Variants in OXR1 observed in about 807,000 individuals in gnomAD.
The protein encoded by OXR1 is oxidation resistance protein 1.
OXR1 carries 41 observed loss-of-function variants against 104.6 expected under a neutral mutation model. The observed-to-expected ratio is 0.39, with a 90% CI of 0.31 to 0.51. OXR1 has a LOEUF of 0.51. OXR1 is among the 20% of genes least tolerant of loss of function. The probability of loss-of-function intolerance (pLI) is 0.77; values close to 1 mark genes in which losing one functional copy is unlikely to be tolerated. For synonymous variants in OXR1, 348 were observed against 348.4 expected, an observed-to-expected ratio of 1.00 and a Z score of 0.01; for missense variants, 955 against 1,031.9, an observed-to-expected ratio of 0.93 and a Z score of 1.02.
intron 16 of OXR1, among the ~76,000 whole-genome samples, chr8:106,747,841 A>G (rs1455355325): frequency 1.3e-5 from 2 of 152,248 alleles, no homozygotes; most frequent in African/African-American, 4.8e-5. Flanking sequence ...ATACTTGGTA[A>G]TAAAACTTAC....
Position 106,625,781 on chromosome 8 carries a change from G to A in OXR1, c.221-53429G>A, listed in dbSNP as rs72682806. On this transcript the variant is annotated intron_variant, in intron 3 of 16. Coordinates refer to ENST00000517566, the MANE Select transcript of OXR1 (RefSeq NM_001198533.2). ...TAATGTTTCCCAATCTTGTTGAAAT[G>A]ACCTCACATGTGATAGCACTTAAAA... Among the ~76,000 whole-genome samples, 635 of 152,194 alleles carry A rather than the reference G, an allele frequency of 4.2e-3. 1 individual carries two copies. The highest frequency in any genetic ancestry group is 0.017 in the Middle Eastern group (5 of 294).
chr8:106,573,630 G>T (rs1344860599), intron 3 of OXR1, among the ~76,000 whole-genome samples: 1 of 152,176 alleles, frequency 6.6e-6, no homozygotes, highest in Non-Finnish European at 1.5e-5. Flanking sequence ...AAATGCTTGA[G>T]CAGTATTATA....
intron 1 of OXR1, among the ~76,000 whole-genome samples, chr8:106,313,680 T>C (rs1813806213): frequency 6.6e-6 from 1 of 152,092 alleles, no homozygotes; most frequent in Non-Finnish European, 1.5e-5. Context: ...AGCCATATCA[T>C]AGCCTAGAGA....
At chr8:106,740,671 T>A (rs113193620) in intron 14 of OXR1, among the ~76,000 whole-genome samples, 176 bp downstream of exon 14, 1 of 152,142 alleles carries the variant, frequency 6.6e-6, no homozygotes, top group African/African-American at 2.4e-5. Flanking sequence ...GATATGAGCA[T>A]GATGATTAAG....
At chr8:106,640,910 C>T (rs1823575804) in intron 3 of OXR1, among the ~76,000 whole-genome samples, 1 of 152,122 alleles carries the variant, frequency 6.6e-6, no homozygotes, top group African/African-American at 2.4e-5. Flanking sequence ...CATATGCATA[C>T]TATAAAGTAA....
At chr8:106,579,881 A>G (rs1206387528) in intron 3 of OXR1, among the ~76,000 whole-genome samples, 2 of 152,156 alleles carry the variant, frequency 1.3e-5, no homozygotes, top group Admixed American at 6.5e-5. Context: ...GTCTCATGGC[A>G]GCAGAGCAAA....
intron 3 of OXR1, among the ~76,000 whole-genome samples, chr8:106,652,541 G>A (rs1208177875): frequency 6.6e-6 from 1 of 151,780 alleles, no homozygotes; most frequent in African/African-American, 2.4e-5. Flanking sequence ...CAAATAATAA[G>A]TCATAAGGAA....
intron 1 of OXR1, among the ~76,000 whole-genome samples, chr8:106,358,345 AG>A (rs1212070054): frequency 2.6e-5 from 4 of 152,178 alleles, no homozygotes; most frequent in African/African-American, 4.8e-5. Context: ...TTAAACTTGT[AG>A]CCCAGCCTAA....
chr8:106,642,073 C>T (rs1413687238), intron 3 of OXR1, among the ~76,000 whole-genome samples: 1 of 152,076 alleles, frequency 6.6e-6, no homozygotes, highest in Non-Finnish European at 1.5e-5. Flanking sequence ...CACTTGGCCA[C>T]AGTTTTGCTT....
At chr8:106,324,548 GAA>G (rs57979286) in intron 1 of OXR1, among the ~76,000 whole-genome samples, 2 of 143,878 alleles carry the variant, frequency 1.4e-5, no homozygotes, top group Middle Eastern at 3.6e-3. Context: ...TACAAAAAAA[GAA>G]AAAAAAAAAC....
intron 3 of OXR1, among the ~76,000 whole-genome samples, chr8:106,555,928 G>GTATATATATGTA: frequency 7.0e-6 from 1 of 142,538 alleles, no homozygotes; most frequent in East Asian, 2.1e-4. Context: ...GTATATATAT[G>GTATATATATGTA]TACATATATA....
intron 1 of OXR1, among the ~76,000 whole-genome samples, chr8:106,274,803 G>T (rs934332638): frequency 1.3e-5 from 2 of 152,166 alleles, no homozygotes; most frequent in African/African-American, 4.8e-5. Flanking sequence ...TATTAGAGAG[G>T]CTTCCTCTTT....
At position 106,737,752 on chromosome 8, in the gene OXR1, G is replaced by A. The variant is rs569964709; in HGVS notation, c.2037+152G>A. Among the ~76,000 whole-genome samples the A allele has an allele frequency of 2.4e-4, 37 of 152,154 alleles. No individual in the cohort carries two copies. In the East Asian group the frequency reaches 6.6e-3, roughly 27 times the overall value. On this transcript the variant is annotated intron_variant, in intron 12 of 16. Transcript: ENST00000517566. ...GTATTAAAGGTTATAGTATTGCCGT[G>A]AAGAGCTGTGGATTATCTTTTCTGT...
intron 4 of OXR1, among the ~76,000 whole-genome samples, chr8:106,682,875 A>G (rs1270302676): frequency 6.6e-6 from 1 of 152,224 alleles, no homozygotes; most frequent in East Asian, 1.9e-4. Flanking sequence ...GAAACTATTC[A>G]AAGGAATAGT....
intron 3 of OXR1, among the ~76,000 whole-genome samples, chr8:106,644,646 C>T (rs1475660764): frequency 2.6e-5 from 4 of 152,056 alleles, no homozygotes; most frequent in Admixed American, 1.3e-4. Flanking sequence ...GCACCTGGAG[C>T]GTAAAACACT....
chr8:106,558,226 G>T (rs1816427453), intron 3 of OXR1, among the ~76,000 whole-genome samples: 2 of 152,184 alleles, frequency 1.3e-5, no homozygotes, highest in South Asian at 4.1e-4. Flanking sequence ...AGGCTACTCT[G>T]GGGAGTAAAA....
rs562135237 is a variant in OXR1 at position 106,619,000 on chromosome 8, G to A, written c.221-60210G>A. On this transcript the variant is annotated intron_variant, in intron 3 of 16. Coordinates refer to ENST00000517566, the MANE Select transcript of OXR1 (RefSeq NM_001198533.2). ...ATATAAAAAGAACTGAGGCGTGTAA[G>A]TAACCTCTTTGATTTTTAATGGCAT... Among the ~76,000 whole-genome samples, 4 of 151,990 alleles carry A rather than the reference G, an allele frequency of 2.6e-5. No homozygotes were observed. In the South Asian group the frequency reaches 8.3e-4, roughly 31 times the overall value.
chr8:106,678,905 C>T (rs914609150), intron 3 of OXR1, among the ~76,000 whole-genome samples: 2 of 151,866 alleles, frequency 1.3e-5, no homozygotes, highest in Non-Finnish European at 2.9e-5. Flanking sequence ...GTATTATAAT[C>T]AGGTTAAATC....
intron 3 of OXR1, among the ~76,000 whole-genome samples, chr8:106,591,441 T>C (rs1343268356): frequency 1.1e-5 from 1 of 87,596 alleles, no homozygotes; most frequent in African/African-American, 7.0e-5. Context: ...ACTTAAAGTA[T>C]AATTAAAAAA....
Sources: allele counts gnomAD v4.1 joint callset (sites outside exome capture counted in the v4.1 genomes callset), GRCh38; gene constraint gnomAD v4.1.1; transcripts MANE v1.5; gene names NCBI Gene and HGNC (gene_info 2026-07-23, HGNC 2026-07-21).